Variants in STK33 observed in about 807,000 individuals in gnomAD.
STK33 encodes the protein serine/threonine kinase 33.
STK33 carries 52 observed loss-of-function variants against 58.0 expected under a neutral mutation model. The ratio of observed to expected loss-of-function variants is 0.90; its 90% CI spans 0.72 to 1.13. STK33 has a LOEUF of 1.13. STK33 is among the 50% of genes most tolerant of loss of function. The pLI, the probability that STK33 is intolerant of heterozygous loss-of-function variation, is 0.00. For synonymous variants in STK33, 215 were observed against 200.1 expected (o/e 1.07, Z -0.63); for missense variants, 630 against 604.2 (o/e 1.04, Z -0.45).
chr11:8,519,526 C>A (rs570391139), intron 1 of STK33, among the ~76,000 whole-genome samples: 1 of 152,138 alleles, frequency 6.6e-6, no homozygotes, highest in African/African-American at 2.4e-5. Flanking sequence ...ACACAAAAAA[C>A]CCTTCAAAAA....
intron 11 of STK33, among the ~76,000 whole-genome samples, chr11:8,443,856 T>C (rs1945072383): frequency 6.6e-6 from 1 of 152,008 alleles, no homozygotes. Flanking sequence ...AAAAGTTATC[T>C]GGGAATGATG....
chr11:8,478,552 T>C (rs7127840), intron 2 of STK33, among the ~76,000 whole-genome samples: 15,251 of 152,108 alleles, frequency 0.1, 1,850 homozygotes, highest in African/African-American at 0.3. Flanking sequence ...AAAAAGGTCT[T>C]TTACATATTG....
chr11:8,396,890 T>C (rs1417360025), intron 15 of STK33, among the ~76,000 whole-genome samples: 1 of 152,148 alleles, frequency 6.6e-6, no homozygotes, highest in African/African-American at 2.4e-5. Flanking sequence ...GAGATCAAAC[T>C]GCAAGGCTGC....
At chr11:8,405,966 C>A (rs1310532629) in intron 15 of STK33, among the ~76,000 whole-genome samples, 1 of 151,868 alleles carries the variant, frequency 6.6e-6, no homozygotes, top group Non-Finnish European at 1.5e-5. Flanking sequence ...CATGGTGAAA[C>A]CCCATCTCTA....
At chr11:8,468,863 A>G (rs1948492213) in intron 6 of STK33, among the ~76,000 whole-genome samples, 1 of 152,226 alleles carries the variant, frequency 6.6e-6, no homozygotes, top group South Asian at 2.1e-4. Flanking sequence ...AAAAATTGCA[A>G]TAAAGCATAT....
intron 1 of STK33, among the ~76,000 whole-genome samples, chr11:8,499,398 G>A (rs995598953): frequency 1.3e-5 from 2 of 152,058 alleles, no homozygotes; most frequent in African/African-American, 2.4e-5. Context: ...TTAGAATAGC[G>A]ATCATTAAAA....
At chr11:8,355,899 C>A in the STK33 span, among the ~76,000 whole-genome samples, 2 of 152,204 alleles carry the variant, frequency 1.3e-5, no homozygotes, top group African/African-American at 4.8e-5. Flanking sequence ...AGTTGGCATG[C>A]AACAAACAGC....
chr11:8,508,628 C>T (rs961107848), intron 1 of STK33, among the ~76,000 whole-genome samples: 2 of 152,140 alleles, frequency 1.3e-5, no homozygotes, highest in Admixed American at 1.3e-4. Context: ...TCACAACACC[C>T]CTCATCCCAC....
chr11:8,363,751 T>C, the STK33 span, among the ~76,000 whole-genome samples: 1 of 152,226 alleles, frequency 6.6e-6, no homozygotes, highest in African/African-American at 2.4e-5. Context: ...AGAAGTTTCT[T>C]TGTCAAAACG....
chr11:8,568,242 G>C (rs1591828832), intron 1 of STK33, among the ~76,000 whole-genome samples: 1 of 152,134 alleles, frequency 6.6e-6, no homozygotes, highest in Non-Finnish European at 1.5e-5. Flanking sequence ...TCTATTCTGG[G>C]AACACTCCAA....
chr11:8,483,100 G>A (rs1166225046), intron 1 of STK33, among the ~76,000 whole-genome samples: 1 of 152,100 alleles, frequency 6.6e-6, no homozygotes, highest in East Asian at 1.9e-4. Context: ...CTAGTACTTT[G>A]TCTGACACAT....
rs144316832 is a variant in STK33, at chr11:8,393,928, A to G, written c.1345-1218T>C. Among the ~76,000 whole-genome samples, 287 of 152,314 alleles carry G rather than the reference A, an allele frequency of 1.9e-3. 2 individuals carry two copies. The highest frequency in any genetic ancestry group is 6.6e-3 in the African/African-American group (276 of 41,578). Reference sequence around the variant, plus strand: ...AATCCACCTGATGTTTGCTTGCTGAAGAAAGCCTTTAAAGTGTGCCTCTTC... The same window carrying G: ...AATCCACCTGATGTTTGCTTGCTGAGGAAAGCCTTTAAAGTGTGCCTCTTC... On this transcript the variant is annotated intron_variant, in intron 15 of 15. Coordinates refer to ENST00000687296, the MANE Select transcript of STK33 (RefSeq NM_001352389.2).
intron 11 of STK33, among the ~76,000 whole-genome samples, chr11:8,447,067 C>CA (rs1169744649): frequency 3.3e-5 from 5 of 152,110 alleles, no homozygotes; most frequent in Admixed American, 3.3e-4. Flanking sequence ...GCAATCTTTC[C>CA]ATCTAACAAA....
At chr11:8,384,013 G>C in the STK33 span, among the ~76,000 whole-genome samples, 1 of 152,158 alleles carries the variant, frequency 6.6e-6, no homozygotes, top group Non-Finnish European at 1.5e-5. Flanking sequence ...GTCTGATAGA[G>C]ATCTCAAACT....
At chr11:8,559,029 A>G (rs903396060) in intron 1 of STK33, among the ~76,000 whole-genome samples, 2 of 152,212 alleles carry the variant, frequency 1.3e-5, no homozygotes, top group Non-Finnish European at 2.9e-5. Flanking sequence ...CAATTTCTAA[A>G]TAGATTGGTA....
In STK33 at chr11:8,497,786, A is replaced by G. The variant is rs117761417; in HGVS notation, c.-465-17172T>C. Among the ~76,000 whole-genome samples the G allele has an allele frequency of 2.0e-3, 308 of 152,334 alleles. 4 individuals are homozygous for G. In the East Asian group the frequency reaches 0.024, roughly 12 times the overall value. ...CAATATATTCAAAGTTCTGAAAGGA[A>G]AAAACAAATAACCTATCAACCAAGA... is the stretch of plus-strand genomic sequence containing the variant. On this transcript the variant is annotated intron_variant, in intron 1 of 15. Coordinates refer to ENST00000687296, the MANE Select transcript of STK33 (RefSeq NM_001352389.2).
intron 1 of STK33, among the ~76,000 whole-genome samples, chr11:8,484,090 G>A (rs188656842): frequency 7.9e-5 from 12 of 152,166 alleles, no homozygotes; most frequent in Admixed American, 2.6e-4. Context: ...AACTTAAAAC[G>A]AAATGTTTGT....
chr11:8,378,239 A>G, the STK33 span, among the ~76,000 whole-genome samples: 408 of 152,272 alleles, frequency 2.7e-3, 5 homozygotes, highest in African/African-American at 9.5e-3. Context: ...CCCTTAAAAA[A>G]CCATCAGATC....
At chr11:8,334,960 C>T in the STK33 span, among the ~76,000 whole-genome samples, 1 of 152,252 alleles carries the variant, frequency 6.6e-6, no homozygotes, top group Non-Finnish European at 1.5e-5. Flanking sequence ...GTGGGAGACA[C>T]AAGCAGGAGT....
Sources: allele counts gnomAD v4.1 joint callset (sites outside exome capture counted in the v4.1 genomes callset), GRCh38; gene constraint gnomAD v4.1.1; transcripts MANE v1.5; gene names NCBI Gene and HGNC (gene_info 2026-07-23, HGNC 2026-07-21).